The following MYO1E variants were observed in gnomAD, a reference collection of about 807,000 sequenced individuals.
MYO1E encodes the protein myosin IE.
A neutral mutation model predicts 151.1 loss-of-function variants in MYO1E; 68 were observed. The ratio of observed to expected loss-of-function variants is 0.45; its 90% CI spans 0.37 to 0.55. The LOEUF (loss-of-function observed/expected upper bound fraction) is 0.55. Ranked by LOEUF, MYO1E falls within the 20% of genes least tolerant of loss-of-function variation. MYO1E has a pLI of 0.00. For synonymous variants in MYO1E, 601 were observed against 501.7 expected, an observed-to-expected ratio of 1.20 and a Z score of -2.64; for missense variants, 1,363 against 1,389.3, an observed-to-expected ratio of 0.98 and a Z score of 0.30.
At chr15:59,261,160 C>T (rs1450184501) in intron 3 of MYO1E, among the ~76,000 whole-genome samples, 1 of 151,372 alleles carries the variant, frequency 6.6e-6, no homozygotes, top group Non-Finnish European at 1.5e-5. Context: ...TTGCAGTGAG[C>T]GGAGATCATG....
Position 59,230,464 on chromosome 15 carries a change from C to T in MYO1E, c.510+1238G>A, listed in dbSNP as rs2080021700. ...TTTCTGGTCTCCAAGGAATCCAAGA[C>T]AGGGGAAAAGGTAAATAAAGAGTTA... On this transcript the variant is annotated intron_variant, in intron 6 of 27. Transcript: ENST00000288235. Among the ~76,000 whole-genome samples, 3 of 150,878 alleles carry T rather than the reference C, an allele frequency of 2.0e-5. No individual in the cohort carries two copies. In the South Asian group the frequency reaches 6.3e-4, roughly 32 times the overall value.
rs946151017 is a variant in MYO1E, at chr15:59,143,392, T to C, written c.3081-5025A>G. On this transcript the variant is annotated intron_variant, in intron 26 of 27. Transcript: ENST00000288235. The stretch of plus-strand genomic sequence containing the variant: ...GGGAGGACCTCTGCAGTTTGCACTT[T>C]GCATTAGGAAGGGCAACACTGATGC... Among the ~76,000 whole-genome samples, 9 of 152,252 alleles carry C rather than the reference T, an allele frequency of 5.9e-5. No individual in the cohort carries two copies. In the South Asian group the frequency reaches 1.7e-3, roughly 28 times the overall value.
Position 59,256,296 on chromosome 15 carries a change from C to T in MYO1E, c.320G>A (p.Cys107Tyr). Residue 107 changes from cysteine to tyrosine, a missense_variant, in exon 4 of 28, where the codon TGC (cysteine) becomes TAC (tyrosine). By Grantham distance (194) the Cys-to-Tyr change is radical. Coordinates refer to ENST00000288235, the MANE Select transcript of MYO1E (RefSeq NM_004998.4). ...RNMIIDRENQ[C>Y]VIISGESGAG... Reference sequence around the variant, plus strand: ...ATCTTCTTCATACCTGATAATGACGCACTGGTTCTCTCTGTCAATGATCAT... The same window carrying T: ...ATCTTCTTCATACCTGATAATGACGTACTGGTTCTCTCTGTCAATGATCAT... The T allele has an allele frequency of 3.7e-6, 6 of 1,601,058 alleles. 1 individual carries two copies. The South Asian group carries it at 5.5e-5, about 15-fold the overall frequency.
intron 14 of MYO1E, among the ~76,000 whole-genome samples, chr15:59,206,288 G>T (rs2079833420): frequency 6.6e-6 from 1 of 152,180 alleles, no homozygotes; most frequent in African/African-American, 2.4e-5. Flanking sequence ...ATGTAGCAGG[G>T]TGATTCATTT....
chr15:59,156,360 T>C (rs2079509701), intron 25 of MYO1E, among the ~76,000 whole-genome samples: 1 of 152,140 alleles, frequency 6.6e-6, no homozygotes, highest in Non-Finnish European at 1.5e-5. Flanking sequence ...AATTTTTGTA[T>C]TTTTAGTAGA....
intron 4 of MYO1E, among the ~76,000 whole-genome samples, chr15:59,239,512 A>G (rs2080087422): frequency 6.6e-6 from 1 of 151,982 alleles, no homozygotes. Flanking sequence ...AATTTAAAAA[A>G]GAATTATAAA....
At chr15:59,154,371 G>C (rs180934737) in intron 25 of MYO1E, among the ~76,000 whole-genome samples, 2 of 152,336 alleles carry the variant, frequency 1.3e-5, no homozygotes, top group African/African-American at 2.4e-5. Context: ...AGTCCGGATG[G>C]AGCAAGCTCT....
chr15:59,277,562 A>AAC (rs2080327858), intron 1 of MYO1E, among the ~76,000 whole-genome samples: 1 of 136,938 alleles, frequency 7.3e-6, no homozygotes, highest in African/African-American at 3.0e-5. Flanking sequence ...AAAAAAAAAA[A>AAC]AAAAAAAAAA....
At chr15:59,326,837 G>A (rs979290396) in intron 1 of MYO1E, among the ~76,000 whole-genome samples, 7 of 152,152 alleles carry the variant, frequency 4.6e-5, no homozygotes, top group Non-Finnish European at 1.0e-4. Context: ...AACACAACTC[G>A]AAAGCGACCT....
At chr15:59,357,549 C>A (rs572359112) in intron 1 of MYO1E, among the ~76,000 whole-genome samples, 1 of 151,662 alleles carries the variant, frequency 6.6e-6, no homozygotes, top group Non-Finnish European at 1.5e-5. Context: ...CTCAGCCTCC[C>A]GAGTAGCTAG....
chr15:59,332,156 T>A (rs530017851), intron 1 of MYO1E, among the ~76,000 whole-genome samples: 1 of 152,370 alleles, frequency 6.6e-6, no homozygotes, highest in Admixed American at 6.5e-5. Flanking sequence ...TAGAAATAGA[T>A]AATGTAGACA....
At chr15:59,244,631 A>G (rs1157122785) in intron 4 of MYO1E, among the ~76,000 whole-genome samples, 1 of 152,166 alleles carries the variant, frequency 6.6e-6, no homozygotes, top group Non-Finnish European at 1.5e-5. Context: ...AGCAGCAGAG[A>G]AAAGTATAAA....
chr15:59,220,876 G>A (rs936955956), intron 9 of MYO1E, among the ~76,000 whole-genome samples: 1 of 135,872 alleles, frequency 7.4e-6, no homozygotes, highest in Non-Finnish European at 1.5e-5. Flanking sequence ...GATGACTTAA[G>A]GCCAGAAATT....
At chr15:59,323,614 C>T (rs1263556018) in intron 1 of MYO1E, among the ~76,000 whole-genome samples, 2 of 151,824 alleles carry the variant, frequency 1.3e-5, no homozygotes, top group Non-Finnish European at 2.9e-5. Context: ...CGAGATCGCA[C>T]CACTGCACTC....
At chr15:59,212,469 T>C (rs946777852) in intron 12 of MYO1E, among the ~76,000 whole-genome samples, 1 of 152,110 alleles carries the variant, frequency 6.6e-6, no homozygotes, top group Non-Finnish European at 1.5e-5. Flanking sequence ...ATGGCTTGAA[T>C]AGTATCCCCC....
intron 4 of MYO1E, among the ~76,000 whole-genome samples, chr15:59,242,849 C>T (rs995450913): frequency 2.0e-5 from 3 of 152,246 alleles, no homozygotes; most frequent in African/African-American, 7.2e-5. Flanking sequence ...AGCCTGGTCA[C>T]GAGGAAATGG....
chr15:59,160,835 T>G (rs1447620369), intron 24 of MYO1E, among the ~76,000 whole-genome samples: 27 of 152,108 alleles, frequency 1.8e-4, no homozygotes, highest in African/African-American at 6.5e-4. Context: ...AACCACAATA[T>G]TGTAATGCCA....
intron 25 of MYO1E, among the ~76,000 whole-genome samples, chr15:59,156,310 C>T (rs1446639716): frequency 6.6e-6 from 1 of 152,164 alleles, no homozygotes; most frequent in African/African-American, 2.4e-5. Flanking sequence ...TCATCCTCCC[C>T]AGTAGCTGGG....
intron 1 of MYO1E, among the ~76,000 whole-genome samples, chr15:59,368,811 T>C (rs565116497): frequency 6.6e-6 from 1 of 152,234 alleles, no homozygotes; most frequent in South Asian, 2.1e-4. Flanking sequence ...TGGAGGTGAC[T>C]TTCAACTTCA....
Sources: allele counts gnomAD v4.1 joint callset (sites outside exome capture counted in the v4.1 genomes callset), GRCh38; gene constraint gnomAD v4.1.1; transcripts MANE v1.5; gene names NCBI Gene and HGNC (gene_info 2026-07-23, HGNC 2026-07-21).